The following TMEM87B variants were observed in gnomAD, a reference collection of about 807,000 sequenced individuals.
The protein encoded by TMEM87B is transmembrane protein 87B.
TMEM87B carries 83 observed loss-of-function variants against 80.3 expected under a neutral mutation model. The observed-to-expected ratio is 1.03, with a 90% CI of 0.87 to 1.24. The LOEUF is 1.24. Among genes scored for constraint, TMEM87B ranks in the 50% most tolerant of loss-of-function variants. The pLI, the probability that TMEM87B is intolerant of heterozygous loss-of-function variation, is 0.00. For missense variants in TMEM87B, 625 were observed against 674.4 expected, an observed-to-expected ratio of 0.93 and a Z score of 0.81; for synonymous variants, 219 against 230.5, an observed-to-expected ratio of 0.95 and a Z score of 0.45.
intron 4 of TMEM87B, among the ~76,000 whole-genome samples, chr2:112,074,551 T>C (rs1375473126): frequency 1.3e-5 from 2 of 151,802 alleles, no homozygotes; most frequent in African/African-American, 4.9e-5. Context: ...GGGGATGATC[T>C]TCTTATAAAG....
At chr2:112,078,049 T>G (rs1334145632) in intron 6 of TMEM87B, among the ~76,000 whole-genome samples, 1 of 152,150 alleles carries the variant, frequency 6.6e-6, no homozygotes, top group African/African-American at 2.4e-5. Flanking sequence ...CGGTCTGTTG[T>G]ACTGCATGGC....
chr2:112,059,591 T>C (rs1678182533), intron 1 of TMEM87B, among the ~76,000 whole-genome samples: 1 of 152,168 alleles, frequency 6.6e-6, no homozygotes, highest in African/African-American at 2.4e-5. Flanking sequence ...TGGTAAACCA[T>C]AACGACTTGG....
At chr2:112,073,310 T>C (rs1678714002) in intron 4 of TMEM87B, among the ~76,000 whole-genome samples, 2 of 152,228 alleles carry the variant, frequency 1.3e-5, no homozygotes, top group South Asian at 4.1e-4. Context: ...GTATCTTTGT[T>C]CTCATTAGTT....
Position 112,116,172 on chromosome 2 carries a change from G to C in TMEM87B, c.*29G>C. On this transcript the variant is annotated 3_prime_UTR_variant, in exon 19 of 19. Coordinates refer to ENST00000283206, the MANE Select transcript of TMEM87B (RefSeq NM_032824.3). ...GAACCCGTATAAGAAATGTAGTTAA[G>C]CCTGAAGGACTATCCTTCATCAAGA... The C allele has an allele frequency of 6.3e-7, 1 of 1,589,972 alleles. No homozygotes were observed. The highest frequency in any genetic ancestry group is 8.6e-7 in the Non-Finnish European group (1 of 1,163,030).
Position 112,110,709 on chromosome 2 carries a change from A to G in TMEM87B, c.1578-2190A>G, listed in dbSNP as rs1232236958. 2.0e-5 allele frequency among the ~76,000 whole-genome samples: 3 copies of G among 151,132 alleles called. No individual in the cohort carries two copies. In the East Asian group the frequency reaches 5.8e-4, roughly 29 times the overall value. On this transcript the variant is annotated intron_variant, in intron 17 of 18. Transcript: ENST00000283206. ...GTTGGTGTTGTTTTATTTTTCTTTT[A>G]TTTCTGCAGACCTTCTCCCACCGCC...
At chr2:112,110,496 T>C (rs1476735436) in intron 17 of TMEM87B, among the ~76,000 whole-genome samples, 2 of 152,178 alleles carry the variant, frequency 1.3e-5, no homozygotes, top group Non-Finnish European at 2.9e-5. Context: ...AGTTTTCTTC[T>C]ACTGTAAAAT....
At chr2:112,099,347 C>G (rs779404746) in intron 14 of TMEM87B, among the ~76,000 whole-genome samples, 1 of 151,936 alleles carries the variant, frequency 6.6e-6, no homozygotes, top group Non-Finnish European at 1.5e-5. Flanking sequence ...CTCATTGGAA[C>G]ATTTTGAATT....
chr2:112,074,841 T>G, intron 4 of TMEM87B, 71 bp from the exon 5 acceptor site: 1 of 1,429,328 alleles, frequency 7.0e-7, no homozygotes, highest in Non-Finnish European at 9.3e-7. Flanking sequence ...CTTTTTTTCT[T>G]AATTATTAAA....
chr2:112,090,350 G>T (rs1029859301), intron 10 of TMEM87B, among the ~76,000 whole-genome samples: 3 of 151,744 alleles, frequency 2.0e-5, no homozygotes, highest in African/African-American at 7.3e-5. Context: ...TATTTTGTGC[G>T]GTTTTTTGTT....
intron 5 of TMEM87B, among the ~76,000 whole-genome samples, chr2:112,076,563 C>T (rs1678823184): frequency 6.6e-6 from 1 of 152,034 alleles, no homozygotes; most frequent in African/African-American, 2.4e-5. Context: ...TGGTTTCAAA[C>T]TCCTGAGCTC....
At chr2:112,068,468 G>A (rs1426787962) in intron 4 of TMEM87B, among the ~76,000 whole-genome samples, 1 of 152,192 alleles carries the variant, frequency 6.6e-6, no homozygotes, top group African/African-American at 2.4e-5. Context: ...ACTTTGGGAG[G>A]CCAAGGCGGG....
chr2:112,081,121 G>A lies in TMEM87B; in HGVS notation c.654+3G>A. ...CATCAGATTGGCCCCTAATGATTGT[G>A]AGTATTTCTCATCATTTTTTCCTTT... On this transcript the variant is annotated splice_donor_region_variant and intron_variant, in intron 7 of 18. Coordinates refer to ENST00000283206, the MANE Select transcript of TMEM87B (RefSeq NM_032824.3). 6.2e-7 allele frequency: 1 copy of A among 1,611,900 alleles called. No homozygotes were observed. The highest frequency in any genetic ancestry group is 1.1e-5 in the South Asian group (1 of 90,878).
In TMEM87B at chr2:112,105,919, A is replaced by AT. The variant is rs1175990641; in HGVS notation, c.1451-77dup. The AT allele has an allele frequency of 6.1e-6, 6 of 991,554 alleles. No homozygotes were observed. The South Asian group carries it at 6.1e-5, about 10-fold the overall frequency. The allele number at this position is 991,554 out of a possible 1,614,324, so 61.4% of individuals were successfully genotyped here. ...CCCTCCATTTCTAAAAAGATATAGT[A>AT]TTTTTTCTTATCAGATTATTAAATT... On this transcript the variant is annotated intron_variant, in intron 15 of 18. Coordinates refer to ENST00000283206, the MANE Select transcript of TMEM87B (RefSeq NM_032824.3).
chr2:112,075,181 C>T (rs1678771296), intron 5 of TMEM87B, among the ~76,000 whole-genome samples: 1 of 152,192 alleles, frequency 6.6e-6, no homozygotes, highest in Non-Finnish European at 1.5e-5. Flanking sequence ...AGGTTAATTG[C>T]TTGAGGCCAG....
rs561670968 is a variant in TMEM87B at position 112,118,055 on chromosome 2, G to C, written c.*1912G>C. On this transcript the variant is annotated 3_prime_UTR_variant, in exon 19 of 19. Coordinates refer to ENST00000283206, the MANE Select transcript of TMEM87B (RefSeq NM_032824.3). ...ATGCTACCCTGTAGCTCAGCTACAG[G>C]CTGCAGTGCAAACTTTTCTTCCATC... 4.6e-5 allele frequency: 7 copies of C among 152,248 alleles called. No homozygotes were observed. The South Asian group carries it at 1.5e-3, about 32-fold the overall frequency. 9.4% of individuals were successfully genotyped at this position (152,248 alleles called of 1,614,324 possible). A position where few individuals can be genotyped will look rare whatever the true frequency, so the allele number is the denominator to read the frequency against.
At chr2:112,107,960 C>G in intron 17 of TMEM87B, 120 bp downstream of exon 17, 1 of 533,304 alleles carries the variant, frequency 1.9e-6, no homozygotes, top group Non-Finnish European at 3.3e-6. Context: ...GGGTAAGCCC[C>G]TATCACCAGT....
At position 112,086,118 on chromosome 2, in the gene TMEM87B, T is replaced by C. The variant is rs1227913239; in HGVS notation, c.938+14T>C. The C allele has an allele frequency of 6.2e-7, 1 of 1,607,710 alleles. No individual in the cohort carries two copies. Among genetic ancestry groups the C allele is most frequent in the Non-Finnish European group, 8.5e-7 (1 of 1,175,818 alleles). On this transcript the variant is annotated intron_variant, in intron 9 of 18. Coordinates refer to ENST00000283206, the MANE Select transcript of TMEM87B (RefSeq NM_032824.3). ...TGGCATTGTGAAGTAAGTACTGGCGTGTGGGAAAAATGCTGGGTCCCAGCC... is the reference window on the plus strand; with the variant it reads ...TGGCATTGTGAAGTAAGTACTGGCGCGTGGGAAAAATGCTGGGTCCCAGCC...
At chr2:112,095,171 T>TC in intron 11 of TMEM87B, 2 of 90,064 alleles carry the variant, frequency 2.2e-5, no homozygotes, top group Non-Finnish European at 2.7e-5. Context: ...CTTTCTTTTT[T>TC]TTTTTTTTTT....
chr2:112,068,824 C>T (rs1678522626), intron 4 of TMEM87B, among the ~76,000 whole-genome samples: 1 of 152,206 alleles, frequency 6.6e-6, no homozygotes, highest in Admixed American at 6.5e-5. Flanking sequence ...CAACACTATC[C>T]TCATTAAGGA....
Sources: gnomAD v4.1 joint callset for allele counts (sites outside exome capture counted in the v4.1 genomes callset) on GRCh38, gnomAD v4.1.1 for gene constraint, MANE v1.5 for transcripts, NCBI Gene and HGNC (gene_info 2026-07-23, HGNC 2026-07-21) for gene names.